Variants in OTOG observed in about 807,000 individuals in gnomAD.
OTOG encodes the protein otogelin.
Under a neutral mutation model 313.8 loss-of-function variants are expected in OTOG, and 296 were observed. The ratio of observed to expected loss-of-function variants is 0.94; its 90% CI spans 0.86 to 1.04. The LOEUF is 1.04. Ranked by LOEUF, OTOG falls within the 50% of genes least tolerant of loss-of-function variation. The pLI is 0.00. For synonymous variants in OTOG, 1,533 were observed against 1,554.9 expected (o/e 0.99, Z 0.33); for missense variants, 3,948 against 3,840.1 (o/e 1.03, Z -0.74).
intron 19 of OTOG, among the ~76,000 whole-genome samples, chr11:17,574,374 C>T (rs570784367): frequency 2.0e-5 from 3 of 152,024 alleles, no homozygotes; most frequent in South Asian, 2.1e-4. Context: ...GTGTGAGTTA[C>T]GGGGTGGGTG....
chr11:17,632,062 C>T (rs1026994977), intron 41 of OTOG, 26 bp from the exon 42 acceptor site: 4 of 1,548,196 alleles, frequency 2.6e-6, no homozygotes, highest in Admixed American at 2.0e-5. Flanking sequence ...TCCGAGTAAC[C>T]AGCACTGCCT....
At chr11:17,621,924 G>A (rs2134112461) in intron 39 of OTOG, among the ~76,000 whole-genome samples, 1 of 152,346 alleles carries the variant, frequency 6.6e-6, no homozygotes, top group East Asian at 1.9e-4. Context: ...ACCTTGGTTA[G>A]AAATGGAATT....
intron 26 of OTOG, 58 bp downstream of exon 26, chr11:17,593,385 G>T: frequency 2.0e-6 from 3 of 1,533,396 alleles, no homozygotes; most frequent in Non-Finnish European, 2.6e-6. Flanking sequence ...CAGGGTTGGG[G>T]CAGAAGAGGG....
chr11:17,559,309 CTG>C (rs1406876573), intron 11 of OTOG, 148 bp downstream of exon 11: 1 of 926,986 alleles, frequency 1.1e-6, no homozygotes, highest in African/African-American at 1.7e-5. Flanking sequence ...GACGAAAAAA[CTG>C]AGGCTCAGAG....
Position 17,634,143 on chromosome 11 carries a change from C to T in OTOG, c.7342C>T (p.His2448Tyr). 6.5e-7 allele frequency: 1 copy of T among 1,549,762 alleles called. No homozygotes were observed. ...WNSSLSGCCQ[H>Y]QCQAPDTIVP... ...CAGCTCCCTCAGCGGCTGCTGCCAG[C>T]ACCAGTGCCAAGCCCCAGACACCAT... Residue 2448 changes from histidine to tyrosine, a missense_variant, in exon 44 of 56, where the codon CAC (histidine) becomes TAC (tyrosine). By Grantham distance (83) the His-to-Tyr change is moderately conservative. Coordinates refer to ENST00000399397, the MANE Select transcript of OTOG (RefSeq NM_001292063.2).
chr11:17,558,554 G>A lies in OTOG; in HGVS notation c.1013G>A (p.Cys338Tyr). 6.4e-7 allele frequency: 1 copy of A among 1,550,514 alleles called. No individual in the cohort carries two copies. The change falls in exon 10 of 56, where the codon TGT (cysteine) becomes TAT (tyrosine). Residue 338 changes from cysteine (C) to tyrosine (Y), a missense_variant. Transcript: ENST00000399397. ...TTGCTCTAGGGCGTGTACGAGCAGT[G>A]TGAGGCTCTACTGCGGCCCCCCTTT... Reference protein sequence around the residue: ...PGTMQGVYEQCEALLRPPFDA... With the variant: ...PGTMQGVYEQYEALLRPPFDA...
chr11:17,561,874 T>G, intron 15 of OTOG, 67 bp downstream of exon 15: 1 of 1,535,104 alleles, frequency 6.5e-7, no homozygotes, highest in South Asian at 1.2e-5. Flanking sequence ...CAAGAGAGAC[T>G]GGGACTTAGG....
In OTOG at chr11:17,551,957, G is replaced by C. The variant is rs1274741579; in HGVS notation, c.217-43G>C. 1.7e-5 allele frequency: 26 copies of C among 1,533,058 alleles called. No individual in the cohort carries two copies. In the East Asian group the frequency reaches 6.1e-4, roughly 36 times the overall value. 95.0% of individuals were successfully genotyped at this position (1,533,058 alleles called of 1,614,324 possible). Reference sequence around the variant, plus strand: ...GGAAGCCTGCCTGGGAACCCGTCCTGAGGTCAGCCCTCGATGTGTTCTCTT... The same window carrying C: ...GGAAGCCTGCCTGGGAACCCGTCCTCAGGTCAGCCCTCGATGTGTTCTCTT... On this transcript the variant is annotated intron_variant, in intron 3 of 55. Transcript: ENST00000399397.
In OTOG at chr11:17,606,086, G is replaced by C. The variant is rs1029898779; in HGVS notation, c.4107G>C (p.Leu1369=). ...CGGGCGCGGTGCTGGCCCTGCGGCTGTACGAACACACAGAGGTGTTCCGCC... is the reference window on the plus strand; with the variant it reads ...CGGGCGCGGTGCTGGCCCTGCGGCTCTACGAACACACAGAGGTGTTCCGCC... ...YVSGAVLALR[L]YEHTEVFRRG... Residue 1369 remains leucine, a synonymous_variant, in exon 33 of 56, where the codon CTG becomes CTC. Transcript: ENST00000399397. 2.6e-6 allele frequency: 4 copies of C among 1,549,768 alleles called. No homozygotes were observed. The highest frequency in any genetic ancestry group is 1.7e-4 in the Middle Eastern group (1 of 5,842).
chr11:17,639,926 GTGGTGA>G (rs1396229507), intron 49 of OTOG, among the ~76,000 whole-genome samples: 1 of 149,646 alleles, frequency 6.7e-6, no homozygotes, highest in Non-Finnish European at 1.5e-5. Flanking sequence ...GATGGTGGTG[GTGGTGA>G]TGGTGATAAT....
chr11:17,565,838 A>AGT (rs1372840886), intron 15 of OTOG, among the ~76,000 whole-genome samples: 1 of 151,806 alleles, frequency 6.6e-6, no homozygotes, highest in African/African-American at 2.4e-5. Flanking sequence ...GTGGGGCTTG[A>AGT]GTGTGTGTGT....
chr11:17,613,598 G>C lies in OTOG; in HGVS notation c.6439-14G>C. On this transcript the variant is annotated splice_polypyrimidine_tract_variant and intron_variant, in intron 38 of 55. Coordinates refer to ENST00000399397, the MANE Select transcript of OTOG (RefSeq NM_001292063.2). ...CAGGGCTCCAAGTTGATGAGGGCTG[G>C]GTTCTCTCTGCAGGGGCACCTGAAC... The C allele has an allele frequency of 3.2e-6, 5 of 1,549,788 alleles. No homozygotes were observed. Among genetic ancestry groups the C allele is most frequent in the Non-Finnish European group, 4.4e-6 (5 of 1,146,322 alleles).
intron 43 of OTOG, 66 bp from the exon 44 acceptor site, chr11:17,634,003 G>A (rs1854197304): frequency 2.7e-6 from 4 of 1,501,580 alleles, no homozygotes; most frequent in East Asian, 2.5e-5. Context: ...ACCAGGGAGA[G>A]TCTAGCCTGG....
At chr11:17,585,024 G>A (rs923008899) in intron 23 of OTOG, among the ~76,000 whole-genome samples, 1 of 152,130 alleles carries the variant, frequency 6.6e-6, no homozygotes, top group Non-Finnish European at 1.5e-5. Context: ...TCTGGTTTTG[G>A]TATCAGATTA....
intron 30 of OTOG, among the ~76,000 whole-genome samples, chr11:17,599,464 G>C (rs540065763): frequency 1.3e-5 from 2 of 152,254 alleles, no homozygotes; most frequent in African/African-American, 4.8e-5. Flanking sequence ...TTTGAGCCTC[G>C]TGCTGTCGGC....
intron 53 of OTOG, among the ~76,000 whole-genome samples, chr11:17,642,587 G>A (rs1048354909): frequency 5.9e-5 from 9 of 152,062 alleles, no homozygotes; most frequent in African/African-American, 1.2e-4. Context: ...CACACACCAC[G>A]CGTCATCACA....
In OTOG at chr11:17,594,190, C is replaced by T. The variant is rs977723171; in HGVS notation, c.3408+24C>T. 15 of 1,550,444 alleles carry T rather than the reference C, an allele frequency of 9.7e-6. No individual in the cohort carries two copies. In the African/African-American group the frequency reaches 1.8e-4, roughly 18 times the overall value. Reference sequence around the variant, plus strand: ...AGGTAAAGCCTCTCTTCCAGGCTGGCTTATGCCCCTCACTCAGATGGGCGC... The same window carrying T: ...AGGTAAAGCCTCTCTTCCAGGCTGGTTTATGCCCCTCACTCAGATGGGCGC... On this transcript the variant is annotated intron_variant, in intron 28 of 55. Transcript: ENST00000399397.
In OTOG at chr11:17,596,992, AC is replaced by A; in HGVS notation, c.3673del (p.Arg1225AlafsTer14). On this transcript the variant is annotated frameshift_variant, in exon 30 of 56. Coordinates refer to ENST00000399397, the MANE Select transcript of OTOG (RefSeq NM_001292063.2). LOFTEE classifies it high-confidence loss of function. ...GCATGGGGTGGCTGTTGACTGGCGA[AC>A]CCCCCGCCTCTGCCGTGAGTGTCCC... ...CQHGVAVDWRTPRLCPYDCDF... is the reference protein window; with the variant it reads ...CQHGVAVDWRXPRLCPYDCDF... 2.0e-6 allele frequency: 3 copies of A among 1,536,144 alleles called. No homozygotes were observed. Among genetic ancestry groups the A allele is most frequent in the South Asian group, 1.2e-5 (1 of 81,622 alleles).
chr11:17,645,841 TG>T lies in OTOG; in HGVS notation c.8642del (p.Gly2881AlafsTer?). On this transcript the variant is annotated frameshift_variant, in exon 56 of 56. Transcript: ENST00000399397. LOFTEE classifies it high-confidence loss of function. ...YARFCKCCRE[V>X]GLQRRSVQLF... Reference sequence around the variant, plus strand: ...CGATTCTGCAAGTGCTGCCGTGAGGTGGGCCTGCAGCGGCGCTCTGTGCAGC... The same window carrying T: ...CGATTCTGCAAGTGCTGCCGTGAGGTGGCCTGCAGCGGCGCTCTGTGCAGC... 1.3e-6 allele frequency: 2 copies of T among 1,550,928 alleles called. No individual in the cohort carries two copies. Among genetic ancestry groups the T allele is most frequent in the Non-Finnish European group, 8.7e-7 (1 of 1,147,062 alleles).
Sources: allele counts gnomAD v4.1 joint callset (sites outside exome capture counted in the v4.1 genomes callset), GRCh38; gene constraint gnomAD v4.1.1; transcripts MANE v1.5; gene names NCBI Gene and HGNC (gene_info 2026-07-23, HGNC 2026-07-21).